Variants in NOL4 observed in about 807,000 individuals in gnomAD.
NOL4 encodes the protein nucleolar protein 4, also known as cancer/testis antigen 125.
In NOL4, 17 loss-of-function variants were observed where a neutral mutation model predicts 75.9. The ratio of observed to expected loss-of-function variants is 0.22; its 90% CI spans 0.15 to 0.34. The LOEUF (loss-of-function observed/expected upper bound fraction) is 0.34, where lower values mean the gene tolerates loss of function less well. NOL4 is among the 10% of genes least tolerant of loss of function. NOL4 has a pLI of 1.00. For missense variants in NOL4, 614 were observed against 793.5 expected (o/e 0.77, Z 2.72); for synonymous variants, 292 against 289.9 (o/e 1.01, Z -0.07).
intron 9 of NOL4, among the ~76,000 whole-genome samples, chr18:33,884,276 G>A (rs1003523329): frequency 2.0e-5 from 3 of 151,920 alleles, no homozygotes; most frequent in African/African-American, 7.3e-5. Flanking sequence ...GTGTGTGTGT[G>A]TCTTTCTCTT....
rs2062643498 is a variant in NOL4, at chr18:33,851,848, AGAAAT to A, written c.*989_*993del. 6.6e-6 allele frequency: 1 copy of A among 152,546 alleles called. No homozygotes were observed. The highest frequency in any genetic ancestry group is 2.1e-4 in the South Asian group (1 of 4,836). 9.4% of individuals were successfully genotyped at this position (152,546 alleles called of 1,614,324 possible). Reference sequence around the variant, plus strand: ...GGTCTTTTTGGAAACTATTTCTGAAAGAAATGAAAAGAAAACTACACACAAGAGTG... The same window carrying A: ...GGTCTTTTTGGAAACTATTTCTGAAAGAAAAGAAAACTACACACAAGAGTG... On this transcript the variant is annotated 3_prime_UTR_variant, in exon 11 of 11. Transcript: ENST00000261592.
intron 1 of NOL4, among the ~76,000 whole-genome samples, chr18:34,144,488 T>A (rs1227508664): frequency 1.3e-5 from 2 of 152,146 alleles, no homozygotes; most frequent in East Asian, 3.9e-4. Context: ...TAGCTACTAC[T>A]GAAAAAACTT....
intron 1 of NOL4, among the ~76,000 whole-genome samples, chr18:34,211,226 T>C (rs2146561085): frequency 6.6e-6 from 1 of 152,360 alleles, no homozygotes; most frequent in South Asian, 2.1e-4. Flanking sequence ...GAATTACATA[T>C]TCTAAATTAG....
intron 9 of NOL4, among the ~76,000 whole-genome samples, chr18:33,905,776 C>T (rs748183809): frequency 1.2e-4 from 18 of 152,120 alleles, no homozygotes; most frequent in Non-Finnish European, 2.4e-4. Context: ...TCTCATTAGA[C>T]ACTACATGCA....
intron 1 of NOL4, chr18:34,221,901 A>C: frequency 1.3e-6 from 1 of 768,826 alleles, no homozygotes; most frequent in Non-Finnish European, 2.1e-6. Flanking sequence ...CTGCACCGGG[A>C]AACAGTTGCC....
chr18:34,194,265 A>G (rs1244523352), intron 1 of NOL4, among the ~76,000 whole-genome samples: 1 of 152,188 alleles, frequency 6.6e-6, no homozygotes, highest in Non-Finnish European at 1.5e-5. Flanking sequence ...TATGTTAATT[A>G]GCTCAATTTA....
At chr18:34,185,243 T>G (rs2034364543) in intron 1 of NOL4, among the ~76,000 whole-genome samples, 1 of 152,140 alleles carries the variant, frequency 6.6e-6, no homozygotes, top group Non-Finnish European at 1.5e-5. Context: ...CCTGCTACAA[T>G]TTCACGGATT....
At chr18:34,050,264 G>A (rs2076573077) in intron 5 of NOL4, among the ~76,000 whole-genome samples, 1 of 149,060 alleles carries the variant, frequency 6.7e-6, no homozygotes, top group South Asian at 2.1e-4. Context: ...TATCTAATTA[G>A]TAAAGGGCTT....
At chr18:33,864,688 C>T (rs539553152) in intron 10 of NOL4, among the ~76,000 whole-genome samples, 6 of 152,246 alleles carry the variant, frequency 3.9e-5, no homozygotes, top group South Asian at 4.1e-4. Context: ...GCAGTTTCCC[C>T]CTGTCTATGG....
At chr18:34,201,597 T>C (rs1333808908) in intron 1 of NOL4, among the ~76,000 whole-genome samples, 1 of 151,852 alleles carries the variant, frequency 6.6e-6, no homozygotes, top group Non-Finnish European at 1.5e-5. Context: ...TCCATTAACA[T>C]AAAATATTGA....
At chr18:33,975,929 C>T (rs1199059172) in intron 6 of NOL4, among the ~76,000 whole-genome samples, 2 of 152,162 alleles carry the variant, frequency 1.3e-5, no homozygotes, top group Admixed American at 1.3e-4. Context: ...ATTGAGAACA[C>T]AGCTGTCATG....
chr18:34,076,457 T>A (rs1600499136), intron 5 of NOL4, among the ~76,000 whole-genome samples: 1 of 152,164 alleles, frequency 6.6e-6, no homozygotes, highest in East Asian at 1.9e-4. Context: ...CAAAAAATAC[T>A]GCCCATTAAC....
intron 10 of NOL4, among the ~76,000 whole-genome samples, chr18:33,855,888 T>G (rs2062816139): frequency 6.6e-6 from 1 of 151,996 alleles, no homozygotes; most frequent in African/African-American, 2.4e-5. Flanking sequence ...TTATGGTGCA[T>G]TTTTGGTTGT....
intron 1 of NOL4, among the ~76,000 whole-genome samples, chr18:34,138,563 C>T (rs1304797861): frequency 3.3e-5 from 5 of 152,108 alleles, no homozygotes; most frequent in Non-Finnish European, 5.9e-5. Context: ...TCTGAACACA[C>T]TAAAAATATT....
At chr18:33,889,545 G>A (rs1443602737) in intron 9 of NOL4, among the ~76,000 whole-genome samples, 1 of 152,100 alleles carries the variant, frequency 6.6e-6, no homozygotes, top group African/African-American at 2.4e-5. Context: ...TATGAGGCTA[G>A]CATCATCCTA....
chr18:34,187,644 C>A (rs1294848231), intron 1 of NOL4, among the ~76,000 whole-genome samples: 2 of 152,160 alleles, frequency 1.3e-5, no homozygotes, highest in Non-Finnish European at 2.9e-5. Context: ...GCCTCGGACT[C>A]CCAAAGTGCT....
chr18:34,087,036 A>G (rs1470771710), intron 5 of NOL4, among the ~76,000 whole-genome samples: 1 of 152,162 alleles, frequency 6.6e-6, no homozygotes, highest in Admixed American at 6.6e-5. Flanking sequence ...ATGTGACTTA[A>G]TCCCCTTTAG....
chr18:34,061,677 G>T (rs1028792620), intron 5 of NOL4, among the ~76,000 whole-genome samples: 1 of 151,918 alleles, frequency 6.6e-6, no homozygotes, highest in African/African-American at 2.4e-5. Flanking sequence ...ACTCCTAAAT[G>T]GTGGAGTAAT....
At chr18:33,877,870 C>T (rs2064024218) in intron 10 of NOL4, among the ~76,000 whole-genome samples, 1 of 151,058 alleles carries the variant, frequency 6.6e-6, no homozygotes. Context: ...ATACATGCTT[C>T]AGAGGTTAAA....
Sources: allele counts gnomAD v4.1 joint callset (sites outside exome capture counted in the v4.1 genomes callset), GRCh38; gene constraint gnomAD v4.1.1; transcripts MANE v1.5; gene names NCBI Gene and HGNC (gene_info 2026-07-23, HGNC 2026-07-21).